The following CD99 variants were observed in gnomAD, a reference collection of about 807,000 sequenced individuals.
The protein encoded by CD99 is CD99 molecule (Xg blood group).
In CD99, 19 loss-of-function variants were observed where a neutral mutation model predicts 28.4. The ratio of observed to expected loss-of-function variants is 0.67; its 90% CI spans 0.47 to 0.98. The LOEUF is 0.98. Ranked by LOEUF, CD99 falls within the 50% of genes least tolerant of loss-of-function variation. The pLI is 0.00. For missense variants in CD99, 283 were observed against 248.8 expected, an observed-to-expected ratio of 1.14 and a Z score of -0.92; for synonymous variants, 103 against 92.1, an observed-to-expected ratio of 1.12 and a Z score of -0.67.
chrX:2,738,482 T>C (rs1184082131), intron 9 of CD99, among the ~76,000 whole-genome samples: 1 of 152,128 alleles, frequency 6.6e-6, no homozygotes, highest in African/African-American at 2.4e-5. Flanking sequence ...TGTGCCTAAG[T>C]CTCTGTTTAA....
intron 1 of CD99, among the ~76,000 whole-genome samples, chrX:2,692,749 G>C (rs1309058033): frequency 6.6e-6 from 1 of 152,228 alleles, no homozygotes; most frequent in African/African-American, 2.4e-5. Context: ...CCAGGCACCT[G>C]CAGATGAACG....
intron 1 of CD99, 94 bp from the exon 2 acceptor site, chrX:2,714,327 CA>C: frequency 2.8e-6 from 3 of 1,059,784 alleles, no homozygotes; most frequent in Non-Finnish European, 4.2e-6. Context: ...TTAAATATCA[CA>C]AAAAGAAAAA....
intron 1 of CD99, among the ~76,000 whole-genome samples, chrX:2,699,329 C>T (rs1385323471): frequency 6.6e-6 from 1 of 151,924 alleles, no homozygotes; most frequent in East Asian, 1.9e-4. Flanking sequence ...ACCACCACGC[C>T]TGGCTAATTT....
chrX:2,722,697 C>G, intron 6 of CD99, 23 bp downstream of exon 6: 4 of 1,612,308 alleles, frequency 2.5e-6, no homozygotes, highest in Admixed American at 1.7e-5. Context: ...TGTTTTCTGT[C>G]TCTTTTCTCT....
At chrX:2,711,234 A>T (rs999321209) in intron 1 of CD99, among the ~76,000 whole-genome samples, 1 of 147,562 alleles carries the variant, frequency 6.8e-6, no homozygotes, top group Non-Finnish European at 1.5e-5. Flanking sequence ...ATATATATAT[A>T]ATATATATAT....
intron 1 of CD99, among the ~76,000 whole-genome samples, chrX:2,702,050 G>A (rs1285341012): frequency 6.6e-6 from 1 of 151,742 alleles, no homozygotes; most frequent in Admixed American, 6.5e-5. Context: ...ACAGATGTGT[G>A]TAATTTGCTG....
chrX:2,702,595 C>G (rs59718753), intron 1 of CD99, among the ~76,000 whole-genome samples: 1,990 of 152,078 alleles, frequency 0.013, 43 homozygotes, highest in African/African-American at 0.046. Context: ...TTATTTTAAA[C>G]TTTCATTTTA....
chrX:2,732,806 CT>C lies in CD99; in HGVS notation c.476-5387del, dbSNP rs887436580. Among the ~76,000 whole-genome samples, 605 of 147,522 alleles carry C rather than the reference CT, an allele frequency of 4.1e-3. 9 individuals are homozygous for C. Among genetic ancestry groups the C allele is most frequent in the African/African-American group, 0.013 (537 of 40,168 alleles). ...CCTTCCTCCTTTCCTTCCTTCCTTT[CT>C]TTTTTTCCTCTCTATTCTTTGTCTC... On this transcript the variant is annotated intron_variant, in intron 8 of 9. Coordinates refer to ENST00000381192, the MANE Select transcript of CD99 (RefSeq NM_002414.5).
chrX:2,707,109 C>G (rs2048156726), intron 1 of CD99, among the ~76,000 whole-genome samples: 1 of 152,218 alleles, frequency 6.6e-6, no homozygotes, highest in Non-Finnish European at 1.5e-5. Context: ...GCAGGCAGAT[C>G]ACTTGATGCC....
intron 1 of CD99, among the ~76,000 whole-genome samples, chrX:2,698,785 A>T (rs1046507231): frequency 1.1e-4 from 16 of 152,204 alleles, no homozygotes; most frequent in Non-Finnish European, 2.9e-5. Context: ...TTTCAGACAC[A>T]AACCTGCTTG....
Position 2,691,384 on chromosome X carries a change from G to C in CD99, c.24G>C (p.Ala8=), listed in dbSNP as rs774316838. The part of the protein sequence containing the change: MARGAAL[A]LLLFGLLGVL... ...CCATGGCCCGCGGGGCTGCGCTGGC[G>C]CTGCTGCTCTTCGGCCTGCTGGGTG... Residue 8 remains alanine (A), a synonymous_variant, in exon 1 of 10, where the codon GCG becomes GCC. Transcript: ENST00000381192. 41 of 1,580,084 alleles carry C rather than the reference G, an allele frequency of 2.6e-5. No individual in the cohort carries two copies. In the African/African-American group the frequency reaches 5.2e-4, roughly 20 times the overall value.
At chrX:2,732,943 TTCCCTTCC>T (rs2049740307) in intron 8 of CD99, among the ~76,000 whole-genome samples, 1 of 132,916 alleles carries the variant, frequency 7.5e-6, no homozygotes, top group Non-Finnish European at 1.7e-5. Flanking sequence ...CCCTCTCTCC[TTCCCTTCC>T]TCCCTCCCTC....
intron 1 of CD99, among the ~76,000 whole-genome samples, chrX:2,707,346 AAAG>A (rs1217119631): frequency 6.8e-6 from 1 of 147,058 alleles, no homozygotes; most frequent in Non-Finnish European, 1.5e-5. Context: ...AAAGAAAAGA[AAAG>A]AAAAAAACAG....
Position 2,733,404 on chromosome X carries a change from G to T in CD99, c.476-4796G>T, listed in dbSNP as rs1237067869. The T allele has an allele frequency of 1.9e-6, 3 of 1,586,064 alleles. No individual in the cohort carries two copies. The African/African-American group carries it at 4.0e-5, about 21-fold the overall frequency. ...GCAGAGAACCCAGCCCAGGCCTGCG[G>T]AGCGTCCTGACCGTAATCGTTTTAT... On this transcript the variant is annotated intron_variant, in intron 8 of 9. Transcript: ENST00000381192.
intron 7 of CD99, 83 bp from the exon 8 acceptor site, chrX:2,726,177 C>A: frequency 1.3e-6 from 1 of 795,126 alleles, no homozygotes; most frequent in South Asian, 1.5e-5. Flanking sequence ...CTCAGACTGA[C>A]TGTCTCTGCC....
intron 9 of CD99, 111 bp from the exon 10 acceptor site, chrX:2,740,668 A>AT: frequency 9.3e-7 from 1 of 1,077,678 alleles, no homozygotes; most frequent in Non-Finnish European, 1.4e-6. Flanking sequence ...TTTTGGGCCC[A>AT]TTTTTCTTAT....
chrX:2,711,601 C>T (rs1048200992), intron 1 of CD99, among the ~76,000 whole-genome samples: 11 of 152,148 alleles, frequency 7.2e-5, no homozygotes, highest in African/African-American at 2.4e-4. Flanking sequence ...TGTGCTATAT[C>T]AACTCTGTAC....
In CD99 at chrX:2,720,401, ACCC is replaced by A; in HGVS notation, c.241_243del (p.Pro81del). 2 of 1,613,620 alleles carry A rather than the reference ACCC, an allele frequency of 1.2e-6. No individual in the cohort carries two copies. Among genetic ancestry groups the A allele is most frequent in the Non-Finnish European group, 1.7e-6 (2 of 1,179,792 alleles). On this transcript the variant is annotated inframe_deletion, in exon 5 of 10. Coordinates refer to ENST00000381192, the MANE Select transcript of CD99 (RefSeq NM_002414.5). The stretch of plus-strand genomic sequence containing the variant: ...CCACCCAAACCGATGCCAAATCCAA[ACCC>A]CAACCACCCTAGTTCCTCCGGTAAG...
Position 2,728,147 on chromosome X carries a change from C to T in CD99, c.475+1774C>T, listed in dbSNP as rs1446669510. Among the ~76,000 whole-genome samples, 4 of 150,760 alleles carry T rather than the reference C, an allele frequency of 2.7e-5. No homozygotes were observed. The South Asian group carries it at 8.4e-4, about 32-fold the overall frequency. On this transcript the variant is annotated intron_variant, in intron 8 of 9. Transcript: ENST00000381192. ...GGGGTTTTGGGCAGTGCGTGGAAGA[C>T]AGTTGCCTCCTACCTGGTGGGCAGA...
Sources: allele counts gnomAD v4.1 joint callset (sites outside exome capture counted in the v4.1 genomes callset), GRCh38; gene constraint gnomAD v4.1.1; transcripts MANE v1.5; gene names NCBI Gene and HGNC (gene_info 2026-07-23, HGNC 2026-07-21).